The following SUB1 variants were observed in gnomAD, a reference collection of about 807,000 sequenced individuals.
SUB1 encodes the protein activated RNA polymerase II transcriptional coactivator p15.
Under a neutral mutation model 16.9 loss-of-function variants are expected in SUB1, and 1 was observed. The ratio of observed to expected loss-of-function variants is 0.06; its 90% CI spans 0.02 to 0.28. The LOEUF (loss-of-function observed/expected upper bound fraction) is 0.28. SUB1 is among the 10% of genes least tolerant of loss of function. The pLI, the probability that SUB1 is intolerant of heterozygous loss-of-function variation, is 1.00. For synonymous variants in SUB1, 51 were observed against 46.9 expected (o/e 1.09, Z -0.36); for missense variants, 84 against 145.2 (o/e 0.58, Z 2.16).
At chr5:32,591,485 T>TAAA (rs754765141) in intron 2 of SUB1, 78 bp from the exon 3 acceptor site, 1 of 1,465,382 alleles carries the variant, frequency 6.8e-7, no homozygotes, top group Non-Finnish European at 9.0e-7. Context: ...GTTTAAATCT[T>TAAA]AAAAAGTAAT....
At position 32,587,659 on chromosome 5, in the gene SUB1, G is replaced by A. The variant is rs573679157; in HGVS notation, c.-1-853G>A. On this transcript the variant is annotated intron_variant, in intron 1 of 4. Coordinates refer to ENST00000265073, the MANE Select transcript of SUB1 (RefSeq NM_006713.4). ...GGAGTCTTGCTTTGTTGCCCAGGCC[G>A]GAGTGCAATGATGTGACCTTGTGTC... Among the ~76,000 whole-genome samples the A allele has an allele frequency of 1.6e-3, 245 of 151,060 alleles. 5 individuals are homozygous for A. The highest frequency in any genetic ancestry group is 3.4e-3 in the Middle Eastern group (1 of 290).
At chr5:32,599,098 C>T (rs758285540) in intron 4 of SUB1, 29 bp downstream of exon 4, 18 of 1,558,638 alleles carry the variant, frequency 1.2e-5, no homozygotes, top group Middle Eastern at 1.7e-4. Flanking sequence ...AATTTTATTA[C>T]AGTGTTAGGA....
At chr5:32,594,674 C>G (rs971909628) in intron 3 of SUB1, 1 of 441,128 alleles carries the variant, frequency 2.3e-6, no homozygotes, top group African/African-American at 2.0e-5. Context: ...AGATCAGCAG[C>G]GGCATTAGAT....
chr5:32,600,638 C>G (rs933005499), intron 4 of SUB1, among the ~76,000 whole-genome samples: 2 of 149,290 alleles, frequency 1.3e-5, no homozygotes, highest in Middle Eastern at 3.2e-3. Flanking sequence ...GAGTCTTGCT[C>G]TCTTGCCCAG....
intron 1 of SUB1, among the ~76,000 whole-genome samples, chr5:32,587,151 C>G (rs1227007505): frequency 6.7e-6 from 1 of 149,964 alleles, no homozygotes; most frequent in Non-Finnish European, 1.5e-5. Context: ...TATTTATGTG[C>G]TACTGCTCAA....
intron 3 of SUB1, chr5:32,594,673 G>A (rs1738912996): frequency 2.5e-5 from 11 of 442,316 alleles, no homozygotes; most frequent in South Asian, 1.8e-4. Context: ...CAGATCAGCA[G>A]CGGCATTAGA....
At chr5:32,591,536 G>A in intron 2 of SUB1, 27 bp from the exon 3 acceptor site, 1 of 1,571,738 alleles carries the variant, frequency 6.4e-7, no homozygotes, top group Non-Finnish European at 8.6e-7. Context: ...TTTTATGTGT[G>A]CAAATTTTAA....
chr5:32,587,387 TGCACTCAG>T (rs775875024), intron 1 of SUB1, among the ~76,000 whole-genome samples: 3 of 152,190 alleles, frequency 2.0e-5, no homozygotes, highest in Non-Finnish European at 4.4e-5. Context: ...TCTGCAAACT[TGCACTCAG>T]GCACTCAGTA....
intron 4 of SUB1, 76 bp downstream of exon 4, chr5:32,599,145 G>C (rs1739053310): frequency 1.9e-6 from 2 of 1,065,280 alleles, no homozygotes; most frequent in East Asian, 2.5e-5. Flanking sequence ...TACTTGAAAT[G>C]TTGGCAGGAC....
In SUB1 at chr5:32,602,299, A is replaced by T; in HGVS notation, c.*1215A>T. ...TAAAGGGAATTATAACTGAAATTAA[A>T]GGAGGCGGCAGTGAAGAGGAAATAA... On this transcript the variant is annotated 3_prime_UTR_variant, in exon 5 of 5. Coordinates refer to ENST00000265073, the MANE Select transcript of SUB1 (RefSeq NM_006713.4). 1 of 444,772 alleles carries T rather than the reference A, an allele frequency of 2.2e-6. No individual in the cohort carries two copies. Among genetic ancestry groups the T allele is most frequent in the Non-Finnish European group, 4.5e-6 (1 of 223,412 alleles). The allele number at this position is 444,772 out of a possible 1,614,324, so 27.6% of individuals were successfully genotyped here. A position where few individuals can be genotyped will look rare whatever the true frequency, so the allele number is the denominator to read the frequency against.
Position 32,599,089 on chromosome 5 carries a change from A to G in SUB1, c.304+20A>G, listed in dbSNP as rs1739051528. On this transcript the variant is annotated intron_variant, in intron 4 of 4. Coordinates refer to ENST00000265073, the MANE Select transcript of SUB1 (RefSeq NM_006713.4). ...GAAAAGGTGAGGTCTAATTACTTGA[A>G]TTTTATTACAGTGTTAGGACTAAAC... The G allele has an allele frequency of 3.8e-6, 6 of 1,584,720 alleles. No individual in the cohort carries two copies. The highest frequency in any genetic ancestry group is 5.2e-6 in the Non-Finnish European group (6 of 1,154,878).
chr5:32,598,056 T>TTAAAAATTTTTA (rs145794315), intron 3 of SUB1: 4 of 149,806 alleles, frequency 2.7e-5, no homozygotes, highest in African/African-American at 9.8e-5. Context: ...GCAATTCAAC[T>TTAAAAATTTTTA]TTTTTATTTT....
intron 3 of SUB1, chr5:32,596,779 G>A (rs1022459231): frequency 6.6e-5 from 10 of 152,056 alleles, no homozygotes; most frequent in African/African-American, 2.4e-4. Flanking sequence ...CTTTACTCCA[G>A]TACTGCATTG....
At chr5:32,587,593 A>G (rs558728753) in intron 1 of SUB1, among the ~76,000 whole-genome samples, 1 of 152,036 alleles carries the variant, frequency 6.6e-6, no homozygotes, top group East Asian at 1.9e-4. Context: ...AATGTAATGA[A>G]TTGCTGTGAA....
chr5:32,588,411 C>G, intron 1 of SUB1, 101 bp from the exon 2 acceptor site: 1 of 1,018,160 alleles, frequency 9.8e-7, no homozygotes, highest in Non-Finnish European at 1.4e-6. Context: ...TAGAATGAAC[C>G]GTGGAACTTG....
chr5:32,587,154 C>CTAT (rs1738694339), intron 1 of SUB1, among the ~76,000 whole-genome samples: 2 of 152,186 alleles, frequency 1.3e-5, no homozygotes, highest in African/African-American at 4.8e-5. Context: ...TTATGTGCTA[C>CTAT]TGCTCAAGAT....
intron 1 of SUB1, among the ~76,000 whole-genome samples, chr5:32,588,003 A>T (rs904202960): frequency 2.6e-5 from 4 of 152,210 alleles, no homozygotes; most frequent in Non-Finnish European, 4.4e-5. Flanking sequence ...AATATTATGT[A>T]AAAATTAATT....
intron 3 of SUB1, among the ~76,000 whole-genome samples, chr5:32,593,874 A>G (rs1738891498): frequency 6.6e-6 from 1 of 152,010 alleles, no homozygotes; most frequent in Admixed American, 6.5e-5. Flanking sequence ...TTGTATTTTT[A>G]GTAGAGACGG....
At chr5:32,600,960 C>T (rs368255852) in intron 4 of SUB1, 45 bp from the exon 5 acceptor site, 167 of 1,543,950 alleles carry the variant, frequency 1.1e-4, no homozygotes, top group South Asian at 3.4e-4. Context: ...AAATCCTCAA[C>T]GCTTAAATAG....
Sources: gnomAD v4.1 joint callset for allele counts (sites outside exome capture counted in the v4.1 genomes callset) on GRCh38, gnomAD v4.1.1 for gene constraint, MANE v1.5 for transcripts, NCBI Gene and HGNC (gene_info 2026-07-23, HGNC 2026-07-21) for gene names.